RPH3A: variants seen among roughly 807,000 people sequenced by gnomAD.
RPH3A encodes rabphilin 3A, also known as rabphilin-3A.
In RPH3A, 48 loss-of-function variants were observed where a neutral mutation model predicts 102.2. The observed-to-expected ratio is 0.47, with a 90% CI of 0.37 to 0.60. The LOEUF (loss-of-function observed/expected upper bound fraction) is 0.60, where lower values mean the gene tolerates loss of function less well. Among genes scored for constraint, RPH3A ranks in the 20% least tolerant of loss-of-function variants. The pLI is 0.00. For synonymous variants in RPH3A, 310 were observed against 324.3 expected (o/e 0.96, Z 0.47); for missense variants, 781 against 910.1 (o/e 0.86, Z 1.83).
intron 16 of RPH3A, among the ~76,000 whole-genome samples, chr12:112,885,879 C>T (rs925638726): frequency 4.6e-5 from 7 of 152,012 alleles, no homozygotes; most frequent in African/African-American, 1.5e-4. Flanking sequence ...ATTTTTTGGA[C>T]CCATTGTAGT....
chr12:112,608,655 A>G (rs76458829), intron 1 of RPH3A, among the ~76,000 whole-genome samples: 5,652 of 152,278 alleles, frequency 0.037, 201 homozygotes, highest in African/African-American at 0.086. Flanking sequence ...TGTAAGACGC[A>G]AGCAGCTGAT....
chr12:112,783,204 G>A (rs546472157), intron 1 of RPH3A, among the ~76,000 whole-genome samples: 4 of 152,256 alleles, frequency 2.6e-5, no homozygotes, highest in Admixed American at 2.0e-4. Flanking sequence ...TAAGTGTGAG[G>A]CTGAGAAATC....
At chr12:112,634,511 G>T (rs1353633316) in intron 1 of RPH3A, among the ~76,000 whole-genome samples, 4 of 143,702 alleles carry the variant, frequency 2.8e-5, no homozygotes, top group African/African-American at 1.0e-4. Context: ...AGCTGAAATT[G>T]CACCACTGCA....
intron 3 of RPH3A, among the ~76,000 whole-genome samples, chr12:112,834,828 T>C (rs1264903199): frequency 1.3e-5 from 2 of 152,232 alleles, no homozygotes; most frequent in Non-Finnish European, 2.9e-5. Context: ...AGTTTTCTTA[T>C]GTTATAGATA....
chr12:112,770,764 G>A (rs1366146243), intron 1 of RPH3A, among the ~76,000 whole-genome samples: 4 of 152,192 alleles, frequency 2.6e-5, no homozygotes, highest in Non-Finnish European at 5.9e-5. Context: ...AGAAACAACA[G>A]TTTGGCAGAA....
chr12:112,801,942 C>T (rs181443059), intron 2 of RPH3A, among the ~76,000 whole-genome samples: 51 of 152,316 alleles, frequency 3.3e-4, no homozygotes, highest in Non-Finnish European at 4.3e-4. Flanking sequence ...GATCCATCCA[C>T]GTTGCAAGGT....
intron 1 of RPH3A, among the ~76,000 whole-genome samples, chr12:112,745,256 C>T (rs1001539186): frequency 2.0e-5 from 3 of 152,134 alleles, no homozygotes; most frequent in Admixed American, 2.0e-4. Context: ...CTGGAGGCAC[C>T]TGCTATTGGT....
At chr12:112,718,034 C>G (rs2040525914) in intron 1 of RPH3A, 1 of 152,200 alleles carries the variant, frequency 6.6e-6, no homozygotes, top group African/African-American at 2.4e-5. Context: ...AATTCAGCAC[C>G]AGCTTAGATT....
rs768850781 is a variant in RPH3A, at chr12:112,887,163, T to A, written c.1437-634T>A. 3.3e-5 allele frequency among the ~76,000 whole-genome samples: 5 copies of A among 152,182 alleles called. 1 individual carries two copies. The highest frequency in any genetic ancestry group is 3.3e-4 in the Admixed American group (5 of 15,280). On this transcript the variant is annotated intron_variant, in intron 16 of 21. Coordinates refer to ENST00000389385, the MANE Select transcript of RPH3A (RefSeq NM_001143854.2). ...ACCCTACTCCTAGGAAAATACTCAA[T>A]AGAAATATGTACATGTATATCCGAA... is the stretch of plus-strand genomic sequence containing the variant.
intron 1 of RPH3A, among the ~76,000 whole-genome samples, chr12:112,657,235 GTCT>G (rs2040019305): frequency 6.6e-6 from 1 of 151,886 alleles, no homozygotes; most frequent in African/African-American, 2.4e-5. Flanking sequence ...CCACTTGTAT[GTCT>G]TCTTTTGAGA....
intron 1 of RPH3A, among the ~76,000 whole-genome samples, chr12:112,687,089 G>T (rs983777119): frequency 6.6e-6 from 1 of 152,224 alleles, no homozygotes; most frequent in Non-Finnish European, 1.5e-5. Context: ...CACCACTCCA[G>T]CCTGAGTGAC....
At chr12:112,665,928 A>G (rs1281168735) in intron 1 of RPH3A, among the ~76,000 whole-genome samples, 1 of 152,180 alleles carries the variant, frequency 6.6e-6, no homozygotes. Flanking sequence ...GCCACTGCAA[A>G]GCCTTCCTGA....
chr12:112,884,482 G>A (rs917247619), intron 16 of RPH3A, among the ~76,000 whole-genome samples: 1 of 152,120 alleles, frequency 6.6e-6, no homozygotes, highest in Non-Finnish European at 1.5e-5. Flanking sequence ...TTAAATTTTT[G>A]TGTAAATGTT....
chr12:112,851,449 C>T (rs2042321305), intron 5 of RPH3A, among the ~76,000 whole-genome samples: 1 of 152,154 alleles, frequency 6.6e-6, no homozygotes, highest in African/African-American at 2.4e-5. Context: ...TGTGCTGGCC[C>T]AATTATTATT....
intron 1 of RPH3A, among the ~76,000 whole-genome samples, chr12:112,734,285 C>T (rs2040653586): frequency 6.6e-6 from 1 of 152,196 alleles, no homozygotes; most frequent in Non-Finnish European, 1.5e-5. Flanking sequence ...GGTTTATAGC[C>T]TAAAAGCAAT....
chr12:112,750,505 T>TATCA (rs1201574431), intron 1 of RPH3A, among the ~76,000 whole-genome samples: 4 of 152,168 alleles, frequency 2.6e-5, no homozygotes, highest in Non-Finnish European at 5.9e-5. Flanking sequence ...GCACCTACTC[T>TATCA]ATCATCATTG....
intron 1 of RPH3A, among the ~76,000 whole-genome samples, chr12:112,695,891 T>C (rs1317284370): frequency 1.3e-5 from 2 of 152,202 alleles, no homozygotes; most frequent in Non-Finnish European, 2.9e-5. Context: ...TTTGGTTACA[T>C]GGATAAGTTC....
intron 1 of RPH3A, among the ~76,000 whole-genome samples, chr12:112,677,460 TCC>T (rs1487297821): frequency 6.5e-5 from 9 of 138,816 alleles, no homozygotes; most frequent in African/African-American, 1.9e-4. Context: ...CTTCCTTCCT[TCC>T]TTCCTTCCTT....
At chr12:112,633,036 A>G (rs997657068) in intron 1 of RPH3A, among the ~76,000 whole-genome samples, 1 of 151,914 alleles carries the variant, frequency 6.6e-6, no homozygotes, top group African/African-American at 2.4e-5. Flanking sequence ...CTCTAAAAAA[A>G]AAAAAGTTAG....
Sources: allele counts gnomAD v4.1 joint callset (sites outside exome capture counted in the v4.1 genomes callset), GRCh38; gene constraint gnomAD v4.1.1; transcripts MANE v1.5; gene names NCBI Gene and HGNC (gene_info 2026-07-23, HGNC 2026-07-21).